TRMT61B: variants seen among roughly 807,000 people sequenced by gnomAD.
TRMT61B encodes the protein tRNA methyltransferase 61B.
A neutral mutation model predicts 52.0 loss-of-function variants in TRMT61B; 56 were observed. The ratio of observed to expected loss-of-function variants is 1.08; its 90% CI spans 0.87 to 1.35. The LOEUF is 1.35. Ranked by LOEUF, TRMT61B falls within the 40% of genes most tolerant of loss-of-function variation. TRMT61B has a pLI of 0.00. For missense variants in TRMT61B, 650 were observed against 577.9 expected (o/e 1.12, Z -1.28); for synonymous variants, 206 against 220.0 (o/e 0.94, Z 0.56).
At chr2:28,867,727 G>A (rs186010739) in intron 1 of TRMT61B, among the ~76,000 whole-genome samples, 1 of 152,250 alleles carries the variant, frequency 6.6e-6, no homozygotes, top group Non-Finnish European at 1.5e-5. Flanking sequence ...GGGGAAGCAA[G>A]ATAAAATTAC....
intron 3 of TRMT61B, among the ~76,000 whole-genome samples, chr2:28,858,301 A>C (rs1669435530): frequency 1.3e-5 from 2 of 151,806 alleles, no homozygotes; most frequent in Admixed American, 6.6e-5. Context: ...CGGCCTCCCA[A>C]AGTGCTGGGA....
chr2:28,865,015 A>G lies in TRMT61B; in HGVS notation c.802+2T>C, dbSNP rs780302179. 8 of 1,592,424 alleles carry G rather than the reference A, an allele frequency of 5.0e-6. No homozygotes were observed. Among genetic ancestry groups the G allele is most frequent in the Non-Finnish European group, 6.0e-6 (7 of 1,160,632 alleles). On this transcript the variant is annotated splice_donor_variant, in intron 2 of 6. Coordinates refer to ENST00000306108, the MANE Select transcript of TRMT61B (RefSeq NM_017910.4). LOFTEE classifies it high-confidence loss of function. ...GAGATCCAGCTCAGTCCAATCTCTT[A>G]CCTGCTTTGGATAAAAATAAGCTCA... is the stretch of plus-strand genomic sequence containing the variant.
At chr2:28,852,608 C>G (rs1669170364) in intron 3 of TRMT61B, 109 bp from the exon 4 acceptor site, 2 of 689,916 alleles carry the variant, frequency 2.9e-6, no homozygotes, top group Non-Finnish European at 5.0e-6. Flanking sequence ...CAAAGTATTT[C>G]ATTTTTTAGA....
chr2:28,852,181 C>T (rs775573698), intron 4 of TRMT61B, among the ~76,000 whole-genome samples: 19 of 151,124 alleles, frequency 1.3e-4, no homozygotes, highest in African/African-American at 2.9e-4. Context: ...GGCGTGGTGG[C>T]GGGCGCCTGT....
chr2:28,861,075 TATAGTC>T (rs1669577856), intron 3 of TRMT61B, 37 bp downstream of exon 3: 1 of 1,504,120 alleles, frequency 6.6e-7, no homozygotes, highest in African/African-American at 1.4e-5. Flanking sequence ...CTATCTTCTT[TATAGTC>T]AAAGTAATAA....
intron 3 of TRMT61B, among the ~76,000 whole-genome samples, chr2:28,854,770 A>AAAAAAAG (rs777576460): frequency 2.7e-5 from 3 of 109,434 alleles, no homozygotes; most frequent in African/African-American, 1.0e-4. Flanking sequence ...AAAAAAAAAA[A>AAAAAAAG]ACTGCCAGGC....
intron 3 of TRMT61B, among the ~76,000 whole-genome samples, chr2:28,855,565 A>G (rs895255866): frequency 1.3e-5 from 2 of 152,184 alleles, no homozygotes; most frequent in Non-Finnish European, 2.9e-5. Flanking sequence ...AGCCACCGAA[A>G]GAATGGAGGT....
At chr2:28,858,792 C>G (rs1458898359) in intron 3 of TRMT61B, among the ~76,000 whole-genome samples, 2 of 72,922 alleles carry the variant, frequency 2.7e-5, no homozygotes, top group African/African-American at 1.2e-4. Flanking sequence ...AGGACTCCGT[C>G]TCAAAAAAAA....
chr2:28,866,368 T>G (rs1669850141), intron 1 of TRMT61B, among the ~76,000 whole-genome samples: 1 of 152,216 alleles, frequency 6.6e-6, no homozygotes, highest in Admixed American at 6.5e-5. Context: ...GGGACCCGTT[T>G]CGTGGAAGAC....
chr2:28,869,570 T>C lies in TRMT61B; in HGVS notation c.699+9A>G. The C allele has an allele frequency of 1.9e-6, 3 of 1,596,030 alleles. No homozygotes were observed. The highest frequency in any genetic ancestry group is 2.6e-6 in the Non-Finnish European group (3 of 1,166,010). On this transcript the variant is annotated intron_variant, in intron 1 of 6. Coordinates refer to ENST00000306108, the MANE Select transcript of TRMT61B (RefSeq NM_017910.4). ...GAAACCAATACACACCTTATCTCCA[T>C]CGCATTACCTTTGGGAATGTTATGG...
intron 1 of TRMT61B, among the ~76,000 whole-genome samples, chr2:28,865,553 A>G (rs1411822388): frequency 6.6e-6 from 1 of 152,184 alleles, no homozygotes; most frequent in Non-Finnish European, 1.5e-5. Flanking sequence ...GGTGATATAA[A>G]TGGCATTTTA....
chr2:28,857,506 A>G (rs1189705301), intron 3 of TRMT61B, among the ~76,000 whole-genome samples: 1 of 152,146 alleles, frequency 6.6e-6, no homozygotes, highest in African/African-American at 2.4e-5. Flanking sequence ...AGAGGAAAGG[A>G]AGAAAATCAA....
intron 1 of TRMT61B, among the ~76,000 whole-genome samples, chr2:28,866,257 CT>C (rs1669842070): frequency 6.6e-6 from 1 of 152,144 alleles, no homozygotes; most frequent in South Asian, 2.1e-4. Context: ...TCCTAAAGTG[CT>C]GGGATTACAG....
chr2:28,863,402 A>C (rs1669690654), intron 2 of TRMT61B, among the ~76,000 whole-genome samples: 1 of 150,450 alleles, frequency 6.6e-6, no homozygotes, highest in African/African-American at 2.4e-5. Flanking sequence ...CTGCATTCCA[A>C]ACTGGGGAAC....
At position 28,869,566 on chromosome 2, in the gene TRMT61B, T is replaced by C; in HGVS notation, c.699+13A>G. On this transcript the variant is annotated intron_variant, in intron 1 of 6. Transcript: ENST00000306108. ...TCCTGAAACCAATACACACCTTATC[T>C]CCATCGCATTACCTTTGGGAATGTT... The C allele has an allele frequency of 6.3e-7, 1 of 1,586,118 alleles. No individual in the cohort carries two copies. The highest frequency in any genetic ancestry group is 8.6e-7 in the Non-Finnish European group (1 of 1,157,818).
chr2:28,855,804 A>G (rs887757441), intron 3 of TRMT61B, among the ~76,000 whole-genome samples: 1 of 152,138 alleles, frequency 6.6e-6, no homozygotes, highest in African/African-American at 2.4e-5. Context: ...CCCTGTCTCT[A>G]CTAAAGATAC....
At chr2:28,864,929 T>C in intron 2 of TRMT61B, 88 bp downstream of exon 2, 1 of 762,668 alleles carries the variant, frequency 1.3e-6, no homozygotes, top group East Asian at 2.7e-5. Context: ...GTTAGGTATT[T>C]TCCCAAATAT....
At chr2:28,863,276 T>C (rs1329485244) in intron 2 of TRMT61B, among the ~76,000 whole-genome samples, 1 of 151,870 alleles carries the variant, frequency 6.6e-6, no homozygotes, top group African/African-American at 2.4e-5. Context: ...ACAAAAACTT[T>C]AAAAATTAGC....
chr2:28,863,931 A>C (rs1669718636), intron 2 of TRMT61B, among the ~76,000 whole-genome samples: 1 of 152,106 alleles, frequency 6.6e-6, no homozygotes, highest in Admixed American at 6.6e-5. Context: ...ACCCAAAGCA[A>C]CCCTGACACT....
Sources: allele counts gnomAD v4.1 joint callset (sites outside exome capture counted in the v4.1 genomes callset), GRCh38; gene constraint gnomAD v4.1.1; transcripts MANE v1.5; gene names NCBI Gene and HGNC (gene_info 2026-07-23, HGNC 2026-07-21).